HHLA2: variants seen among roughly 807,000 people sequenced by gnomAD.
HHLA2 encodes the protein HERV-H LTR-associating protein 2.
In HHLA2, 48 loss-of-function variants were observed where a neutral mutation model predicts 45.9. The observed-to-expected ratio is 1.05, with a 90% CI of 0.83 to 1.33. HHLA2 has a LOEUF of 1.33. Among genes scored for constraint, HHLA2 ranks in the 40% most tolerant of loss-of-function variants. The probability of loss-of-function intolerance (pLI) is 0.00; values close to 1 mark genes in which losing one functional copy is unlikely to be tolerated. For synonymous variants in HHLA2, 161 were observed against 173.9 expected (o/e 0.93, Z 0.59); for missense variants, 462 against 494.3 (o/e 0.93, Z 0.62).
At chr3:108,369,147 C>A (rs2082119326) in intron 8 of HHLA2, among the ~76,000 whole-genome samples, 2 of 152,114 alleles carry the variant, frequency 1.3e-5, no homozygotes, top group African/African-American at 4.8e-5. Flanking sequence ...TAAATTAAGG[C>A]AGAAATAAAT....
chr3:108,326,524 A>C (rs1267393566), intron 2 of HHLA2: 2 of 152,176 alleles, frequency 1.3e-5, no homozygotes, highest in Non-Finnish European at 2.9e-5. Flanking sequence ...CTTCCATAAC[A>C]TGTAGGAATT....
At position 108,350,385 on chromosome 3, in the gene HHLA2, G is replaced by C. The variant is rs553216805; in HGVS notation, c.-26-1403G>C. Among the ~76,000 whole-genome samples the C allele has an allele frequency of 1.5e-4, 23 of 152,120 alleles. No homozygotes were observed. The South Asian group carries it at 4.6e-3, about 30-fold the overall frequency. ...TTTTGTTAAAAGGCCTTCTTCCTAA[G>C]GTCGTGTTTTCAATAACTTTCTTAT... On this transcript the variant is annotated intron_variant, in intron 3 of 10. Coordinates refer to ENST00000619531, the Ensembl canonical transcript of HHLA2.
intron 1 of HHLA2, among the ~76,000 whole-genome samples, chr3:108,301,732 C>T (rs1331673069): frequency 6.6e-6 from 1 of 152,130 alleles, no homozygotes; most frequent in Non-Finnish European, 1.5e-5. Flanking sequence ...CCCTTTCTCC[C>T]TCAACTCAAG....
At position 108,353,500 on chromosome 3, in the gene HHLA2, T is replaced by C. The variant is rs1006203038; in HGVS notation, c.138T>C (p.Asp46=). 4 of 1,609,898 alleles carry C rather than the reference T, an allele frequency of 2.5e-6. No homozygotes were observed. In the South Asian group the frequency reaches 3.3e-5, roughly 13 times the overall value. The change falls in exon 5 of 11, where the codon GAT becomes GAC. Residue 46 remains aspartate, a synonymous_variant. Transcript: ENST00000619531. Reference sequence around the variant, plus strand: ...TCGTCATTGGAAGACTTGATGAAGATATAATTCTCCCTTCTTCATTTGAGA... The same window carrying C: ...TCGTCATTGGAAGACTTGATGAAGACATAATTCTCCCTTCTTCATTTGAGA...
intron 8 of HHLA2, among the ~76,000 whole-genome samples, chr3:108,368,594 T>C (rs1442231974): frequency 9.0e-6 from 1 of 110,906 alleles, no homozygotes; most frequent in Non-Finnish European, 1.8e-5. Context: ...TTCTAGTCTC[T>C]GATAAAACAG....
At chr3:108,342,800 T>C (rs1486319418) in intron 3 of HHLA2, among the ~76,000 whole-genome samples, 1 of 152,194 alleles carries the variant, frequency 6.6e-6, no homozygotes, top group East Asian at 1.9e-4. Flanking sequence ...AATAACCTTC[T>C]ACTCTTCCTT....
intron 7 of HHLA2, among the ~76,000 whole-genome samples, chr3:108,359,181 A>G (rs2081947854): frequency 6.8e-6 from 1 of 146,290 alleles, no homozygotes; most frequent in East Asian, 1.9e-4. Flanking sequence ...TTGGAGTGTA[A>G]AAAAAAAAAT....
At chr3:108,348,325 G>A (rs948028494) in intron 3 of HHLA2, among the ~76,000 whole-genome samples, 1 of 152,166 alleles carries the variant, frequency 6.6e-6, no homozygotes, top group African/African-American at 2.4e-5. Context: ...ACGAGGTTGA[G>A]TTAGATGAGG....
In HHLA2 at chr3:108,353,885, A is replaced by G. The variant is rs1576159891; in HGVS notation, c.418+105A>G. The G allele has an allele frequency of 7.8e-6, 6 of 765,854 alleles. No homozygotes were observed. In the East Asian group the frequency reaches 8.0e-5, roughly 10 times the overall value. 47.4% of individuals were successfully genotyped at this position (765,854 alleles called of 1,614,324 possible). A position where few individuals can be genotyped will look rare whatever the true frequency, so the allele number is the denominator to read the frequency against. ...CATGAGCTTCCTTCCAAGTCAATAC[A>G]TGGAAATCTACTTATTTTTAACGCA... On this transcript the variant is annotated intron_variant, in intron 5 of 10. Coordinates refer to ENST00000619531, the Ensembl canonical transcript of HHLA2.
Position 108,333,012 on chromosome 3 carries a change from C to T in HHLA2, c.-27+4665C>T, listed in dbSNP as rs2951510. 4.6e-3 allele frequency among the ~76,000 whole-genome samples: 699 copies of T among 152,252 alleles called. 7 individuals carry two copies. Among genetic ancestry groups the T allele is most frequent in the African/African-American group, 0.016 (663 of 41,526 alleles). ...ATATTTGGAATTAGCCATTGGACTT[C>T]ATTGGAGTAAAAGGCAGTAAGGCTC... On this transcript the variant is annotated intron_variant, in intron 3 of 10. Transcript: ENST00000619531.
At chr3:108,369,866 T>G (rs1395410163) in intron 8 of HHLA2, among the ~76,000 whole-genome samples, 1 of 152,222 alleles carries the variant, frequency 6.6e-6, no homozygotes, top group Non-Finnish European at 1.5e-5. Flanking sequence ...TGCCTGCCTC[T>G]GTAGACTCCA....
chr3:108,337,870 A>C (rs191153404), intron 3 of HHLA2, among the ~76,000 whole-genome samples: 1 of 152,220 alleles, frequency 6.6e-6, no homozygotes, highest in East Asian at 1.9e-4. Context: ...CTTATGTCCT[A>C]AACCTATTTG....
intron 8 of HHLA2, among the ~76,000 whole-genome samples, chr3:108,371,059 G>A (rs996365064): frequency 6.6e-5 from 10 of 152,194 alleles, no homozygotes; most frequent in Non-Finnish European, 1.2e-4. Context: ...AGGAAAAAAT[G>A]TTAAGGGCAG....
intron 3 of HHLA2, among the ~76,000 whole-genome samples, chr3:108,335,063 A>C (rs977592522): frequency 1.3e-5 from 2 of 152,228 alleles, no homozygotes; most frequent in Non-Finnish European, 2.9e-5. Context: ...AAGTTTCTAG[A>C]TCTTGGAGAA....
intron 8 of HHLA2, among the ~76,000 whole-genome samples, chr3:108,371,003 G>A (rs1272628012): frequency 6.6e-6 from 1 of 152,110 alleles, no homozygotes; most frequent in African/African-American, 2.4e-5. Context: ...CTCGAGAAGA[G>A]CAACTCCAAG....
At chr3:108,297,212 T>A (rs1161467242) in intron 1 of HHLA2, among the ~76,000 whole-genome samples, 1 of 152,208 alleles carries the variant, frequency 6.6e-6, no homozygotes, top group Non-Finnish European at 1.5e-5. Flanking sequence ...GTTTCTATTG[T>A]TTGGGACTTT....
At chr3:108,329,547 T>C (rs1209818169) in intron 3 of HHLA2, among the ~76,000 whole-genome samples, 2 of 152,154 alleles carry the variant, frequency 1.3e-5, no homozygotes, top group African/African-American at 4.8e-5. Flanking sequence ...CTAAATATAC[T>C]TCAAAGATTC....
intron 8 of HHLA2, among the ~76,000 whole-genome samples, chr3:108,372,994 C>T (rs2082207165): frequency 6.6e-6 from 1 of 152,294 alleles, no homozygotes; most frequent in African/African-American, 2.4e-5. Context: ...CCAGCATCAT[C>T]CTGATAGCAA....
chr3:108,314,127 AT>A (rs904573874), intron 2 of HHLA2, among the ~76,000 whole-genome samples: 2 of 151,382 alleles, frequency 1.3e-5, no homozygotes, highest in East Asian at 1.9e-4. Context: ...GTTCAGATTG[AT>A]TTTTTTTTAT....
Sources: gnomAD v4.1 joint callset for allele counts (sites outside exome capture counted in the v4.1 genomes callset) on GRCh38, gnomAD v4.1.1 for gene constraint, MANE v1.5 for transcripts, NCBI Gene and HGNC (gene_info 2026-07-23, HGNC 2026-07-21) for gene names.